The following TNFRSF10A variants were observed in gnomAD, a reference collection of about 807,000 sequenced individuals.
The protein encoded by TNFRSF10A is TNF receptor superfamily member 10a, also known as tumor necrosis factor receptor superfamily member 10A.
Under a neutral mutation model 42.8 loss-of-function variants are expected in TNFRSF10A, and 44 were observed. That is an observed-to-expected ratio of 1.03 (90% confidence interval 0.81 to 1.32). The LOEUF (loss-of-function observed/expected upper bound fraction) is 1.32, where lower values mean the gene tolerates loss of function less well. Among genes scored for constraint, TNFRSF10A ranks in the 40% most tolerant of loss-of-function variants. The pLI, the probability that TNFRSF10A is intolerant of heterozygous loss-of-function variation, is 0.00. For missense variants in TNFRSF10A, 680 were observed against 602.0 expected (o/e 1.13, Z -1.36); for synonymous variants, 259 against 234.2 (o/e 1.11, Z -0.97).
chr8:23,223,435 C>G (rs529120295), intron 1 of TNFRSF10A, among the ~76,000 whole-genome samples: 1 of 152,338 alleles, frequency 6.6e-6, no homozygotes, highest in East Asian at 1.9e-4. Context: ...GATGTTTCAC[C>G]TTGTCTATAC....
chr8:23,210,725 G>A (rs1017118893), intron 2 of TNFRSF10A, among the ~76,000 whole-genome samples: 3 of 152,002 alleles, frequency 2.0e-5, no homozygotes, highest in Non-Finnish European at 2.9e-5. Flanking sequence ...TATATACCAG[G>A]ACCAAATAAG....
intron 1 of TNFRSF10A, among the ~76,000 whole-genome samples, chr8:23,221,945 C>G (rs1338231168): frequency 6.6e-6 from 1 of 151,756 alleles, no homozygotes; most frequent in Non-Finnish European, 1.5e-5. Context: ...GGCGAGATCT[C>G]GGCTCACTGC....
chr8:23,220,005 G>T (rs1184819152), intron 1 of TNFRSF10A, among the ~76,000 whole-genome samples: 6 of 152,086 alleles, frequency 3.9e-5, no homozygotes, highest in African/African-American at 1.4e-4. Flanking sequence ...CTGAGCTTTG[G>T]TCCTCTCCTC....
chr8:23,200,881 C>A (rs1450049568), intron 4 of TNFRSF10A, 121 bp from the exon 5 acceptor site: 11 of 931,402 alleles, frequency 1.2e-5, no homozygotes, highest in Non-Finnish European at 1.9e-5. Context: ...AGGATAGTCT[C>A]CTCGTATCTG....
At chr8:23,200,873 G>A in intron 4 of TNFRSF10A, 113 bp from the exon 5 acceptor site, 1 of 1,004,556 alleles carries the variant, frequency 1.0e-6, no homozygotes, top group Non-Finnish European at 1.6e-6. Flanking sequence ...TCAGGGGAAG[G>A]ATAGTCTCCT....
At chr8:23,201,639 C>T (rs1281251409) in intron 4 of TNFRSF10A, among the ~76,000 whole-genome samples, 169 bp downstream of exon 4, 1 of 151,988 alleles carries the variant, frequency 6.6e-6, no homozygotes, top group East Asian at 1.9e-4. Flanking sequence ...CCAGGAGGGG[C>T]AGGTTGCAGG....
intron 1 of TNFRSF10A, among the ~76,000 whole-genome samples, chr8:23,221,876 A>G (rs1415515257): frequency 6.7e-6 from 1 of 148,260 alleles, no homozygotes; most frequent in African/African-American, 2.4e-5. Flanking sequence ...ACGCTTGTGT[A>G]TTCTTTTTTT....
chr8:23,205,837 C>G (rs1190814581), intron 2 of TNFRSF10A, among the ~76,000 whole-genome samples: 2 of 151,736 alleles, frequency 1.3e-5, no homozygotes, highest in Non-Finnish European at 2.9e-5. Flanking sequence ...CAGCCTCAGC[C>G]TCCCGAGTAG....
At chr8:23,221,658 G>A (rs1240043455) in intron 1 of TNFRSF10A, among the ~76,000 whole-genome samples, 1 of 152,148 alleles carries the variant, frequency 6.6e-6, no homozygotes, top group Non-Finnish European at 1.5e-5. Context: ...TAAGTGCAGA[G>A]GTGCGACTGC....
chr8:23,220,056 G>A (rs981890812), intron 1 of TNFRSF10A, among the ~76,000 whole-genome samples: 2 of 152,126 alleles, frequency 1.3e-5, no homozygotes, highest in Admixed American at 6.6e-5. Context: ...GGCCACAGGC[G>A]AGTGTCTGAG....
At chr8:23,208,484 T>A (rs1034101022) in intron 2 of TNFRSF10A, among the ~76,000 whole-genome samples, 20 of 152,284 alleles carry the variant, frequency 1.3e-4, no homozygotes, top group African/African-American at 4.6e-4. Flanking sequence ...TGAGACAGAG[T>A]CTTGCTCTGT....
intron 7 of TNFRSF10A, among the ~76,000 whole-genome samples, chr8:23,199,669 CT>C (rs1800879512): frequency 6.6e-6 from 1 of 152,148 alleles, no homozygotes; most frequent in African/African-American, 2.4e-5. Flanking sequence ...AGGGTCTCAC[CT>C]GGGCTGTAGG....
At position 23,197,127 on chromosome 8, in the gene TNFRSF10A, C is replaced by CT. The variant is rs767013851; in HGVS notation, c.1087+4dup. On this transcript the variant is annotated splice_donor_region_variant and intron_variant, in intron 9 of 9. Transcript: ENST00000221132. ...CTGCTGCATCTCCAGGAGCAAAACA[C>CT]TTACTCTCAGTGGGGTCAGCACCAT... The CT allele has an allele frequency of 1.5e-5, 24 of 1,614,028 alleles. No individual in the cohort carries two copies. In the Admixed American group the frequency reaches 3.7e-4, roughly 25 times the overall value.
intron 8 of TNFRSF10A, among the ~76,000 whole-genome samples, chr8:23,198,519 C>T (rs1800857067): frequency 6.6e-6 from 1 of 151,862 alleles, no homozygotes; most frequent in South Asian, 2.1e-4. Context: ...AGCAGGCCTT[C>T]TCATAAAGAC....
intron 2 of TNFRSF10A, among the ~76,000 whole-genome samples, chr8:23,205,231 A>C (rs143817279): frequency 2.0e-5 from 3 of 152,306 alleles, no homozygotes; most frequent in African/African-American, 7.2e-5. Context: ...CACGCACTGC[A>C]TGATGACGTT....
intron 2 of TNFRSF10A, among the ~76,000 whole-genome samples, chr8:23,211,719 AC>A (rs924842838): frequency 6.6e-6 from 1 of 152,222 alleles, no homozygotes; most frequent in African/African-American, 2.4e-5. Context: ...CCAAAAATAC[AC>A]CCATACCTTT....
At chr8:23,200,366 G>T (rs1217872252) in intron 6 of TNFRSF10A, 139 bp downstream of exon 6, 9 of 915,160 alleles carry the variant, frequency 9.8e-6, no homozygotes, top group South Asian at 4.5e-5. Context: ...ATGGGAGGAT[G>T]GGGGGTGATC....
Position 23,191,823 on chromosome 8 carries a change from G to A in TNFRSF10A, c.1278C>T (p.His426=), listed in dbSNP as rs1800758232. ...TCCTCTCCAAGGCATCCAGCAGGGT[G>A]TGGATCGAGGCGTTCCGTCCAGTTT... ...VNKTGRNASI[H]TLLDALERME... The change falls in exon 10 of 10, where the codon CAC becomes CAT. Residue 426 remains histidine (H), a synonymous_variant. Coordinates refer to ENST00000221132, the MANE Select transcript of TNFRSF10A (RefSeq NM_003844.4). The A allele has an allele frequency of 2.5e-6, 4 of 1,613,912 alleles. No individual in the cohort carries two copies. In the East Asian group the frequency reaches 8.9e-5, roughly 36 times the overall value.
chr8:23,200,047 C>A, intron 6 of TNFRSF10A, 130 bp from the exon 7 acceptor site: 2 of 1,089,458 alleles, frequency 1.8e-6, no homozygotes, highest in Non-Finnish European at 2.7e-6. Context: ...CCTGGGGATC[C>A]ACATGAGGCC....
Sources: allele counts gnomAD v4.1 joint callset (sites outside exome capture counted in the v4.1 genomes callset), GRCh38; gene constraint gnomAD v4.1.1; transcripts MANE v1.5; gene names NCBI Gene and HGNC (gene_info 2026-07-23, HGNC 2026-07-21).